Variants in SLC3A2 observed in about 807,000 individuals in gnomAD.
The protein encoded by SLC3A2 is solute carrier family 3 member 2.
In SLC3A2, 32 loss-of-function variants were observed where a neutral mutation model predicts 48.5. The ratio of observed to expected loss-of-function variants is 0.66; its 90% CI spans 0.50 to 0.89. The LOEUF (loss-of-function observed/expected upper bound fraction) is 0.89. Ranked by LOEUF, SLC3A2 falls within the 40% of genes least tolerant of loss-of-function variation. The probability of loss-of-function intolerance (pLI) is 0.00; values close to 1 mark genes in which losing one functional copy is unlikely to be tolerated. For missense variants in SLC3A2, 587 were observed against 680.7 expected (o/e 0.86, Z 1.53); for synonymous variants, 277 against 288.8 (o/e 0.96, Z 0.41).
chr11:62,880,745 G>A, upstream of SLC3A2: 2 of 456,318 alleles, frequency 4.4e-6, no homozygotes, highest in Non-Finnish European at 7.7e-6. Flanking sequence ...ATGAGAAATT[G>A]GACCATGCAG....
At chr11:62,856,299 C>T in exon 1 of SLC3A2, 1 of 1,613,446 alleles carries the variant, frequency 6.2e-7, no homozygotes, top group Admixed American at 1.7e-5. Context: ...AAGCCTCGAT[C>T]GCCGTCGTGT....
In SLC3A2 at chr11:62,883,098, G is replaced by C. The variant is rs1336975645; in HGVS notation, c.690+99G>C. 3.6e-6 allele frequency: 4 copies of C among 1,103,196 alleles called. No individual in the cohort carries two copies. In the Admixed American group the frequency reaches 7.1e-5, roughly 20 times the overall value. The allele number at this position is 1,103,196 out of a possible 1,614,324, so 68.3% of individuals were successfully genotyped here. A position where few individuals can be genotyped will look rare whatever the true frequency, so the allele number is the denominator to read the frequency against. On this transcript the variant is annotated intron_variant, in intron 3 of 8. Coordinates refer to ENST00000338663, the MANE Select transcript of SLC3A2 (RefSeq NM_001013251.3). ...AGACCCAGCCTGACTCCAGCTGAGG[G>C]TCCCTTTGCTCCTTAGGACCAAGGA...
At chr11:62,879,590 G>A (rs1048593525), upstream of SLC3A2, among the ~76,000 whole-genome samples, 50 of 152,242 alleles carry the variant, frequency 3.3e-4, no homozygotes, top group African/African-American at 9.4e-4. Flanking sequence ...GGGGTTGGAT[G>A]CCTGGGGTTG....
At chr11:62,878,836 G>A (rs1044041287), upstream of SLC3A2, among the ~76,000 whole-genome samples, 2 of 150,478 alleles carry the variant, frequency 1.3e-5, no homozygotes, top group Admixed American at 6.6e-5. Flanking sequence ...GTGCAGCCGC[G>A]CAATCTTGGC....
chr11:62,882,108 T>A, intron 2 of SLC3A2, 42 bp downstream of exon 2: 1 of 1,610,336 alleles, frequency 6.2e-7, no homozygotes, highest in Non-Finnish European at 8.5e-7. Flanking sequence ...TAGAAAGGAC[T>A]TGGCCAGAGG....
In SLC3A2 at chr11:62,881,685, C is replaced by A; in HGVS notation, c.425-208C>A. 1.2e-6 allele frequency: 1 copy of A among 845,958 alleles called. No individual in the cohort carries two copies. The highest frequency in any genetic ancestry group is 1.8e-6 in the Non-Finnish European group (1 of 564,308). 52.4% of individuals were successfully genotyped at this position (845,958 alleles called of 1,614,324 possible). On this transcript the variant is annotated intron_variant, in intron 1 of 8. Coordinates refer to ENST00000338663, the MANE Select transcript of SLC3A2 (RefSeq NM_001013251.3). The surrounding 1 kb of genome is among the most constrained non-coding windows in gnomAD (Gnocchi z 4.0). The stretch of plus-strand genomic sequence containing the variant: ...GGTGACTCAGCGTCCTCCTTCCCCG[C>A]GGCGCCAGAAGCCAGTTGCAACCGG...
chr11:62,888,087 AT>A, intron 7 of SLC3A2, 47 bp from the exon 8 acceptor site: 1 of 1,539,722 alleles, frequency 6.5e-7, no homozygotes, highest in Non-Finnish European at 9.0e-7. Flanking sequence ...GTGAGCCACC[AT>A]GCCTGACCCC....
intron 1 of SLC3A2, among the ~76,000 whole-genome samples, chr11:62,859,060 G>A (rs886781690): frequency 2.0e-5 from 3 of 151,494 alleles, no homozygotes; most frequent in Non-Finnish European, 4.4e-5. Context: ...CAGCACAGAC[G>A]CTTTACGGGT....
At chr11:62,858,506 C>T (rs2085362698) in intron 1 of SLC3A2, among the ~76,000 whole-genome samples, 1 of 152,068 alleles carries the variant, frequency 6.6e-6, no homozygotes, top group Non-Finnish European at 1.5e-5. Context: ...CACCTGAGGT[C>T]AGGAGTTAGA....
At chr11:62,880,879 C>T (rs1435069514), upstream of SLC3A2, 3 of 1,421,112 alleles carry the variant, frequency 2.1e-6, no homozygotes, top group Middle Eastern at 2.4e-4. Context: ...TCCCAGAGGC[C>T]GCGCCTGCTG....
chr11:62,888,711 C>T lies in SLC3A2; in HGVS notation c.*18C>T, dbSNP rs757845304. On this transcript the variant is annotated 3_prime_UTR_variant, in exon 9 of 9. Transcript: ENST00000338663. The stretch of plus-strand genomic sequence containing the variant: ...CGGCCTGACTTCAGCCTGACATGGA[C>T]CCACTACCCTTCTCCTTTCCTTCCC... 5 of 1,554,978 alleles carry T rather than the reference C, an allele frequency of 3.2e-6. No homozygotes were observed. The South Asian group carries it at 3.5e-5, about 11-fold the overall frequency.
rs1211238946 is a variant in SLC3A2 at position 62,888,736 on chromosome 11, C to G, written c.*43C>G. 6.7e-7 allele frequency: 1 copy of G among 1,497,504 alleles called. No homozygotes were observed. The highest frequency in any genetic ancestry group is 1.4e-5 in the African/African-American group (1 of 71,436). The allele number at this position is 1,497,504 out of a possible 1,614,324, so 92.8% of individuals were successfully genotyped here. A position where few individuals can be genotyped will look rare whatever the true frequency, so the allele number is the denominator to read the frequency against. ...CCCACTACCCTTCTCCTTTCCTTCC[C>G]AGGCCCTTTGGCTTCTGATTTTTCT... On this transcript the variant is annotated 3_prime_UTR_variant, in exon 9 of 9. Coordinates refer to ENST00000338663, the MANE Select transcript of SLC3A2 (RefSeq NM_001013251.3).
chr11:62,860,901 A>G (rs2085392121), intron 1 of SLC3A2, among the ~76,000 whole-genome samples: 1 of 152,178 alleles, frequency 6.6e-6, no homozygotes, highest in Non-Finnish European at 1.5e-5. Context: ...CCCTAAATCC[A>G]TTAAACCTTG....
At chr11:62,870,719 A>ATTTTTTTTTT (rs2085502091) in intron 1 of SLC3A2, 1 of 157,434 alleles carries the variant, frequency 6.4e-6, no homozygotes, top group African/African-American at 2.5e-5. Context: ...CATTATTATT[A>ATTTTTTTTTT]TTATTATTTT....
intron 1 of SLC3A2, among the ~76,000 whole-genome samples, chr11:62,857,316 G>C (rs1474185707): frequency 6.6e-6 from 1 of 151,794 alleles, no homozygotes; most frequent in Non-Finnish European, 1.5e-5. Context: ...GGAGAGACGG[G>C]GTTTCATCAT....
chr11:62,863,214 C>A (rs1189906019), intron 1 of SLC3A2, among the ~76,000 whole-genome samples: 2 of 152,136 alleles, frequency 1.3e-5, no homozygotes, highest in African/African-American at 4.8e-5. Flanking sequence ...AGCCACCACT[C>A]TGGGCCTCAA....
intron 1 of SLC3A2, among the ~76,000 whole-genome samples, chr11:62,860,443 G>A (rs1222615147): frequency 1.3e-5 from 2 of 150,358 alleles, no homozygotes; most frequent in East Asian, 1.9e-4. Context: ...GCGACAAGGC[G>A]AGACTCTGTC....
intron 1 of SLC3A2, among the ~76,000 whole-genome samples, chr11:62,875,105 G>T (rs2085557442): frequency 1.3e-5 from 2 of 152,096 alleles, no homozygotes; most frequent in South Asian, 4.1e-4. Context: ...CTGGCTGATT[G>T]GTATTTTAGA....
At chr11:62,870,257 C>T (rs1463665007) in intron 1 of SLC3A2, among the ~76,000 whole-genome samples, 1 of 149,748 alleles carries the variant, frequency 6.7e-6, no homozygotes, top group Non-Finnish European at 1.5e-5. Context: ...TCTCGGCTCA[C>T]TGCAACCTCT....
Sources: gnomAD v4.1 joint callset for allele counts (sites outside exome capture counted in the v4.1 genomes callset) on GRCh38, gnomAD v4.1.1 for gene constraint, Gnocchi (gnomAD v3.1) non-coding constraint, MANE v1.5 for transcripts, NCBI Gene and HGNC (gene_info 2026-07-23, HGNC 2026-07-21) for gene names.